The following LYRM4 variants were observed in gnomAD, a reference collection of about 807,000 sequenced individuals.
LYRM4 encodes the protein LYR motif containing 4, also known as LYR motif-containing protein 4.
LYRM4 carries 9 observed loss-of-function variants against 11.7 expected under a neutral mutation model. That is an observed-to-expected ratio of 0.77 (90% CI 0.46 to 1.34). The LOEUF (loss-of-function observed/expected upper bound fraction) is 1.34. Among genes scored for constraint, LYRM4 ranks in the 40% most tolerant of loss-of-function variants. The pLI is 0.00. For synonymous variants in LYRM4, 42 were observed against 40.4 expected (o/e 1.04, Z -0.15); for missense variants, 133 against 112.5 (o/e 1.18, Z -0.82).
At chr6:5,216,038 G>C (rs1017054067) in intron 2 of LYRM4, among the ~76,000 whole-genome samples, 19 of 152,126 alleles carry the variant, frequency 1.2e-4, no homozygotes, top group Admixed American at 9.8e-4. Flanking sequence ...ATGAGAATGA[G>C]AAAAGGAAGC....
intron 1 of LYRM4, among the ~76,000 whole-genome samples, chr6:5,256,297 C>A (rs1003581152): frequency 6.6e-6 from 1 of 151,498 alleles, no homozygotes; most frequent in South Asian, 2.1e-4. Context: ...CAAGATCAGC[C>A]TGGCCAATAT....
At chr6:5,101,535 C>T (rs555017519), downstream of LYRM4, among the ~76,000 whole-genome samples, 1 of 152,186 alleles carries the variant, frequency 6.6e-6, no homozygotes, top group African/African-American at 2.4e-5. Flanking sequence ...TGCTCAGGAT[C>T]TCACCACCAG....
chr6:5,232,288 C>T (rs536065787), intron 1 of LYRM4, among the ~76,000 whole-genome samples: 1 of 152,240 alleles, frequency 6.6e-6, no homozygotes, highest in South Asian at 2.1e-4. Context: ...CTTGCAATCA[C>T]TCTGCAGAGC....
At chr6:5,084,619 C>G in the LYRM4 span, 1 of 152,270 alleles carries the variant, frequency 6.6e-6, no homozygotes, top group East Asian at 1.9e-4. Context: ...ATGGCCGCTC[C>G]CCGGCGCGTC....
At chr6:5,252,162 T>A (rs912575385) in intron 1 of LYRM4, among the ~76,000 whole-genome samples, 1 of 152,210 alleles carries the variant, frequency 6.6e-6, no homozygotes, top group South Asian at 2.1e-4. Context: ...AAGGAGGAAC[T>A]GTGAAAATAA....
the LYRM4 span, among the ~76,000 whole-genome samples, chr6:5,077,662 A>G: frequency 1.2e-4 from 19 of 152,238 alleles, no homozygotes; most frequent in African/African-American, 4.6e-4. Flanking sequence ...CTTGACACTA[A>G]AACTTGAAGA....
chr6:5,218,335 G>A, intron 1 of LYRM4: 5 of 984,836 alleles, frequency 5.1e-6, no homozygotes, highest in Non-Finnish European at 6.0e-6. Flanking sequence ...AATGAGAGGA[G>A]GGGATATAAA....
At chr6:5,089,386 A>G in the LYRM4 span, 1 of 152,226 alleles carries the variant, frequency 6.6e-6, no homozygotes. Flanking sequence ...ATGCTATAAC[A>G]TTGTTTGAAA....
At chr6:5,111,238 T>C (rs1012820408) in intron 2 of LYRM4, among the ~76,000 whole-genome samples, 4 of 152,240 alleles carry the variant, frequency 2.6e-5, no homozygotes, top group African/African-American at 9.6e-5. Flanking sequence ...CCATTACTTT[T>C]TGGATAATTA....
At chr6:5,122,113 A>G (rs1342047475) in intron 2 of LYRM4, among the ~76,000 whole-genome samples, 1 of 152,198 alleles carries the variant, frequency 6.6e-6, no homozygotes, top group Admixed American at 6.5e-5. Context: ...AACCTGCGGG[A>G]AAAAGGCACA....
chr6:5,080,223 C>T, the LYRM4 span, among the ~76,000 whole-genome samples: 1 of 152,178 alleles, frequency 6.6e-6, no homozygotes, highest in Non-Finnish European at 1.5e-5. Flanking sequence ...TGGAAGGTCC[C>T]AGATATCTGA....
Position 5,260,812 on chromosome 6 carries a change from G to C in LYRM4, c.-79C>G. On this transcript the variant is annotated 5_prime_UTR_variant, in exon 1 of 3. Transcript: ENST00000330636. ...CCCAACCCACGAAACTCCAGCCTGT[G>C]CGGAAACCACGAACGAAATAAAATG... 1.3e-6 allele frequency: 2 copies of C among 1,528,402 alleles called. No homozygotes were observed. The highest frequency in any genetic ancestry group is 2.4e-5 in the South Asian group (2 of 83,456). 94.7% of individuals were successfully genotyped at this position (1,528,402 alleles called of 1,614,324 possible). A position where few individuals can be genotyped will look rare whatever the true frequency, so the allele number is the denominator to read the frequency against.
In LYRM4 at chr6:5,216,708, G is replaced by A. The variant is rs573658451; in HGVS notation, c.117C>T (p.Ala39=). ...CCTTTACATTTTTATTTTCTCTGAA[G>A]GCATCTCTTATCCTCCTGACAGCAT... ...RTYAVRRIRD[A]FRENKNVKDP... The change falls in exon 2 of 3, where the codon GCC becomes GCT. Residue 39 remains alanine, a synonymous_variant. Transcript: ENST00000330636. 8 of 1,613,514 alleles carry A rather than the reference G, an allele frequency of 5.0e-6. No individual in the cohort carries two copies. In the South Asian group the frequency reaches 8.8e-5, roughly 18 times the overall value.
chr6:5,040,481 T>C, the LYRM4 span, among the ~76,000 whole-genome samples: 1 of 151,658 alleles, frequency 6.6e-6, no homozygotes, highest in Admixed American at 6.6e-5. Context: ...GTGGGAAGAT[T>C]GCTTGAGCTC....
At chr6:5,196,850 T>C (rs183209709) in intron 2 of LYRM4, among the ~76,000 whole-genome samples, 1 of 152,328 alleles carries the variant, frequency 6.6e-6, no homozygotes, top group East Asian at 1.9e-4. Context: ...ATCAAAATAT[T>C]GACAGGAATG....
At chr6:5,168,412 G>T (rs143723801) in intron 2 of LYRM4, among the ~76,000 whole-genome samples, 2 of 152,210 alleles carry the variant, frequency 1.3e-5, no homozygotes, top group Non-Finnish European at 2.9e-5. Context: ...AGATGTGACA[G>T]AATGGGAAGC....
chr6:5,177,515 T>C (rs1316686387), intron 2 of LYRM4, among the ~76,000 whole-genome samples: 6 of 152,348 alleles, frequency 3.9e-5, no homozygotes, highest in Middle Eastern at 3.4e-3. Context: ...CAGGTGACCA[T>C]TGTTGAATTG....
chr6:5,086,261 C>T, the LYRM4 span: 2 of 1,535,548 alleles, frequency 1.3e-6, no homozygotes, highest in Admixed American at 2.0e-5. Flanking sequence ...GAGTGGCGCT[C>T]CTTCCTGGAC....
the LYRM4 span, among the ~76,000 whole-genome samples, chr6:5,073,916 C>A: frequency 4.6e-5 from 7 of 152,134 alleles, 1 homozygote; most frequent in Non-Finnish European, 8.8e-5. Flanking sequence ...GACTGGCTGG[C>A]CTTATACCTT....
Sources: allele counts gnomAD v4.1 joint callset (sites outside exome capture counted in the v4.1 genomes callset), GRCh38; gene constraint gnomAD v4.1.1; transcripts MANE v1.5; gene names NCBI Gene and HGNC (gene_info 2026-07-23, HGNC 2026-07-21).